MAP2: variants seen among roughly 807,000 people sequenced by gnomAD.
MAP2 encodes microtubule-associated protein 2.
MAP2 carries 14 observed loss-of-function variants against 137.6 expected under a neutral mutation model. The ratio of observed to expected loss-of-function variants is 0.10; its 90% CI spans 0.07 to 0.16. MAP2 has a LOEUF of 0.16. MAP2 is among the 10% of genes least tolerant of loss of function. The probability of loss-of-function intolerance (pLI) is 1.00; values close to 1 mark genes in which losing one functional copy is unlikely to be tolerated. For synonymous variants in MAP2, 786 were observed against 782.3 expected (o/e 1.00, Z -0.08); for missense variants, 2,088 against 2,191.5 (o/e 0.95, Z 0.94).
At chr2:209,718,595 T>A (rs2068752073) in intron 13 of MAP2, among the ~76,000 whole-genome samples, 1 of 152,102 alleles carries the variant, frequency 6.6e-6, no homozygotes, top group Non-Finnish European at 1.5e-5. Context: ...TCTTCAGCAT[T>A]ATCTATTCAC....
chr2:209,470,280 G>A (rs1705317355), intron 1 of MAP2, among the ~76,000 whole-genome samples: 1 of 152,024 alleles, frequency 6.6e-6, no homozygotes, highest in Non-Finnish European at 1.5e-5. Context: ...AGTGCCCCTT[G>A]GCACTGTTTT....
chr2:209,644,670 CA>C (rs68166330), intron 4 of MAP2, among the ~76,000 whole-genome samples: 5,501 of 68,594 alleles, frequency 0.08, 247 homozygotes, highest in African/African-American at 0.21. Context: ...GACCCTGTCT[CA>C]AAAAAAAAAA....
intron 2 of MAP2, among the ~76,000 whole-genome samples, chr2:209,532,240 G>GA (rs796126529): frequency 0.047 from 3,438 of 72,506 alleles, 166 homozygotes; most frequent in African/African-American, 0.13. Context: ...CCAGTCTCAG[G>GA]AAAAAAAAAA....
At chr2:209,534,592 T>C (rs2065669880) in intron 2 of MAP2, among the ~76,000 whole-genome samples, 1 of 152,224 alleles carries the variant, frequency 6.6e-6, no homozygotes, top group African/African-American at 2.4e-5. Context: ...ATGTCAAATA[T>C]TCAAACTAAC....
chr2:209,481,242 G>T (rs183637258), intron 1 of MAP2, among the ~76,000 whole-genome samples: 47 of 152,308 alleles, frequency 3.1e-4, no homozygotes, highest in African/African-American at 1.1e-3. Context: ...TTGCAACCCA[G>T]TGACAACATC....
chr2:209,709,277 T>C (rs1386766808), intron 12 of MAP2, among the ~76,000 whole-genome samples: 5 of 152,144 alleles, frequency 3.3e-5, no homozygotes, highest in Admixed American at 3.3e-4. Context: ...GACTTTTTTT[T>C]TGGTTTGAAG....
At chr2:209,458,221 A>G (rs1701997725) in intron 1 of MAP2, among the ~76,000 whole-genome samples, 1 of 152,166 alleles carries the variant, frequency 6.6e-6, no homozygotes, top group African/African-American at 2.4e-5. Flanking sequence ...TAAAGTCTTC[A>G]TTACACTGTT....
At chr2:209,687,458 G>A (rs879371092) in intron 7 of MAP2, among the ~76,000 whole-genome samples, 5 of 151,880 alleles carry the variant, frequency 3.3e-5, no homozygotes, top group African/African-American at 9.7e-5. Context: ...TTATTTTGCC[G>A]CAGGGCTGTC....
At chr2:209,723,614 A>G (rs2072379043) in intron 13 of MAP2, 1 of 1,612,724 alleles carries the variant, frequency 6.2e-7, no homozygotes, top group Non-Finnish European at 8.5e-7. Flanking sequence ...TTAAACAAGA[A>G]GATCGATTTT....
intron 2 of MAP2, among the ~76,000 whole-genome samples, chr2:209,559,030 C>G (rs1046189962): frequency 6.6e-6 from 1 of 152,238 alleles, no homozygotes; most frequent in East Asian, 1.9e-4. Flanking sequence ...CACATTCTTT[C>G]ACCCAGCAGT....
At chr2:209,489,815 G>T (rs1323732269) in intron 1 of MAP2, among the ~76,000 whole-genome samples, 1 of 152,164 alleles carries the variant, frequency 6.6e-6, no homozygotes, top group Non-Finnish European at 1.5e-5. Context: ...ACCTACAATT[G>T]ATTGGTGTAT....
intron 2 of MAP2, among the ~76,000 whole-genome samples, chr2:209,570,602 G>A (rs748486912): frequency 9.2e-5 from 14 of 151,846 alleles, no homozygotes; most frequent in Non-Finnish European, 1.9e-4. Flanking sequence ...GACCAAGCCC[G>A]TATCTAATAA....
intron 2 of MAP2, among the ~76,000 whole-genome samples, chr2:209,541,553 C>T (rs1289257900): frequency 4.0e-5 from 6 of 151,734 alleles, no homozygotes; most frequent in Non-Finnish European, 5.9e-5. Context: ...GCATTTCAAC[C>T]ACAGAACGTC....
intron 5 of MAP2, among the ~76,000 whole-genome samples, chr2:209,666,994 A>C (rs191643408): frequency 6.6e-6 from 1 of 151,988 alleles, no homozygotes; most frequent in Non-Finnish European, 1.5e-5. Flanking sequence ...ACAGTATGTA[A>C]ATAGAAAGTG....
At chr2:209,545,287 C>T (rs536121274) in intron 2 of MAP2, among the ~76,000 whole-genome samples, 4 of 152,184 alleles carry the variant, frequency 2.6e-5, no homozygotes, top group African/African-American at 9.7e-5. Flanking sequence ...ATAGTATCCT[C>T]TTGTAGATGA....
chr2:209,558,386 G>A (rs183094398), intron 2 of MAP2, among the ~76,000 whole-genome samples: 1 of 151,816 alleles, frequency 6.6e-6, no homozygotes, highest in East Asian at 1.9e-4. Context: ...ACAGGGTTTC[G>A]CCATGTCGGC....
chr2:209,664,962 CAAAAA>C (rs67286716), intron 5 of MAP2, among the ~76,000 whole-genome samples: 13 of 51,834 alleles, frequency 2.5e-4, no homozygotes, highest in South Asian at 2.2e-3. Flanking sequence ...AACTCCGTCT[CAAAAA>C]AAAAAAAAAA....
intron 1 of MAP2, among the ~76,000 whole-genome samples, chr2:209,477,396 T>TA (rs150943412): frequency 0.024 from 3,661 of 151,970 alleles, 53 homozygotes; most frequent in Non-Finnish European, 0.033. Flanking sequence ...ATGGCTCTAT[T>TA]AAAAAAAATT....
At chr2:209,603,925 T>C (rs1403207974) in intron 3 of MAP2, among the ~76,000 whole-genome samples, 1 of 152,144 alleles carries the variant, frequency 6.6e-6, no homozygotes, top group Non-Finnish European at 1.5e-5. Flanking sequence ...TGTCCTACTT[T>C]TGCTGATCGG....
Sources: allele counts gnomAD v4.1 joint callset (sites outside exome capture counted in the v4.1 genomes callset), GRCh38; gene constraint gnomAD v4.1.1; transcripts MANE v1.5; gene names NCBI Gene and HGNC (gene_info 2026-07-23, HGNC 2026-07-21).